Variants in TMEM217 observed in about 807,000 individuals in gnomAD.
The protein encoded by TMEM217 is chromosome 6 open reading frame 128.
For missense variants in TMEM217, 204 were observed against 248.8 expected, an observed-to-expected ratio of 0.82 and a Z score of 1.21; for synonymous variants, 76 against 88.3, an observed-to-expected ratio of 0.86 and a Z score of 0.78.
intron 1 of TMEM217, among the ~76,000 whole-genome samples, chr6:37,248,851 A>C (rs1334349282): frequency 6.6e-6 from 1 of 152,224 alleles, no homozygotes. Flanking sequence ...GGCATAAAAC[A>C]ATAGAAATTT....
At chr6:37,215,572 A>G (rs1452440808), downstream of TMEM217, among the ~76,000 whole-genome samples, 255 of 19,564 alleles carry the variant, frequency 0.013, 2 homozygotes, top group African/African-American at 0.032. Flanking sequence ...CTCTGTCTCA[A>G]AAAAAAAAAA....
intron 1 of TMEM217, among the ~76,000 whole-genome samples, chr6:37,243,211 G>A (rs1385586381): frequency 6.6e-6 from 1 of 152,102 alleles, no homozygotes; most frequent in South Asian, 2.1e-4. Flanking sequence ...ATTTGGCAAG[G>A]GCTATTACTC....
chr6:37,213,057 C>A, downstream of TMEM217: 3 of 1,080,784 alleles, frequency 2.8e-6, no homozygotes, highest in Non-Finnish European at 3.9e-6. Flanking sequence ...TAGACAAATC[C>A]CCCAAGTCAC....
intron 1 of TMEM217, among the ~76,000 whole-genome samples, chr6:37,235,947 AG>A (rs991117261): frequency 6.6e-6 from 1 of 152,192 alleles, no homozygotes; most frequent in Non-Finnish European, 1.5e-5. Context: ...TGAATTTTGG[AG>A]GGGTCAAACA....
chr6:37,246,172 T>C (rs191803344), intron 1 of TMEM217, among the ~76,000 whole-genome samples: 16 of 152,228 alleles, frequency 1.1e-4, no homozygotes, highest in South Asian at 4.1e-4. Context: ...CTCTTCTACT[T>C]CTCCTCTAAT....
At chr6:37,222,862 G>T (rs1763614669) in intron 1 of TMEM217, among the ~76,000 whole-genome samples, 2 of 152,180 alleles carry the variant, frequency 1.3e-5, no homozygotes, top group Non-Finnish European at 2.9e-5. Context: ...AACCCTAGCC[G>T]CGCCTCCCTG....
chr6:37,248,454 C>T (rs1765220488), intron 1 of TMEM217, among the ~76,000 whole-genome samples: 1 of 152,200 alleles, frequency 6.6e-6, no homozygotes, highest in African/African-American at 2.4e-5. Flanking sequence ...CCCCTCCCTT[C>T]ACTCACCCAA....
intron 1 of TMEM217, among the ~76,000 whole-genome samples, chr6:37,245,767 C>T (rs1475691344): frequency 6.6e-6 from 1 of 150,672 alleles, no homozygotes; most frequent in Non-Finnish European, 1.5e-5. Flanking sequence ...GATCTACTAG[C>T]CTCTCATTTT....
chr6:37,251,545 T>C (rs890304401), intron 1 of TMEM217, among the ~76,000 whole-genome samples: 3 of 152,218 alleles, frequency 2.0e-5, no homozygotes, highest in African/African-American at 7.2e-5. Flanking sequence ...GAATGTTGAG[T>C]GAAAAAGCCA....
downstream of TMEM217, chr6:37,212,784 G>A: frequency 2.8e-6 from 2 of 715,210 alleles, no homozygotes; most frequent in Non-Finnish European, 5.1e-6. Context: ...TGAGGGAGAG[G>A]CCAGTGCTGA....
At chr6:37,230,037 A>T (rs754948158) in intron 1 of TMEM217, among the ~76,000 whole-genome samples, 3 of 152,234 alleles carry the variant, frequency 2.0e-5, no homozygotes, top group African/African-American at 7.2e-5. Flanking sequence ...TAGAACAAAG[A>T]TCCCTACTTC....
At chr6:37,257,451 ATTCC>A (rs1765819504) in intron 1 of TMEM217, 113 bp downstream of exon 1, 1 of 154,692 alleles carries the variant, frequency 6.5e-6, no homozygotes, top group African/African-American at 2.4e-5. Flanking sequence ...TAGGTGAAAG[ATTCC>A]TATATATAAA....
chr6:37,217,873 C>A, exon 2 of TMEM217: 1 of 985,802 alleles, frequency 1.0e-6, no homozygotes, highest in Non-Finnish European at 1.2e-6. Flanking sequence ...TCATCTTATT[C>A]CATTCATTTT....
At chr6:37,250,195 G>A (rs1050372135) in intron 1 of TMEM217, among the ~76,000 whole-genome samples, 1 of 152,108 alleles carries the variant, frequency 6.6e-6, no homozygotes, top group Non-Finnish European at 1.5e-5. Flanking sequence ...ACAAACATAG[G>A]TAGAAAATAT....
chr6:37,239,845 A>G (rs1286707264), intron 1 of TMEM217, among the ~76,000 whole-genome samples: 1 of 151,810 alleles, frequency 6.6e-6, no homozygotes, highest in Non-Finnish European at 1.5e-5. Flanking sequence ...ACTTAAGCCC[A>G]GGGGTTTCAG....
chr6:37,212,832 C>T (rs540886290), downstream of TMEM217: 819 of 1,069,494 alleles, frequency 7.7e-4, no homozygotes, highest in Non-Finnish European at 1.0e-3. Flanking sequence ...TGACTAGCTC[C>T]GACTTTGAGT....
chr6:37,221,411 T>C (rs1245196346), intron 1 of TMEM217, among the ~76,000 whole-genome samples: 3 of 152,142 alleles, frequency 2.0e-5, no homozygotes, highest in Non-Finnish European at 4.4e-5. Flanking sequence ...GGTCTCAAAC[T>C]CCTGACCTCA....
At chr6:37,219,312 C>A (rs1562002745) in intron 1 of TMEM217, among the ~76,000 whole-genome samples, 1 of 152,098 alleles carries the variant, frequency 6.6e-6, no homozygotes, top group Admixed American at 6.6e-5. Context: ...CAAAAGTACC[C>A]AAGTCCAGGC....
Position 37,218,414 on chromosome 6 carries a change from C to A in TMEM217, c.*8G>T, listed in dbSNP as rs146496418. 1 of 1,571,942 alleles carries A rather than the reference C, an allele frequency of 6.4e-7. No homozygotes were observed. The highest frequency in any genetic ancestry group is 1.7e-5 in the Admixed American group (1 of 58,258). On this transcript the variant is annotated 3_prime_UTR_variant, in exon 2 of 2. Coordinates refer to ENST00000357219, the Ensembl canonical transcript of TMEM217. ...CTGGTCTTGAACTCCTGACCTCAGG[C>A]GATCCACCTACCTCTGCCTCTCAAA...
Sources: gnomAD v4.1 joint callset for allele counts (sites outside exome capture counted in the v4.1 genomes callset) on GRCh38, gnomAD v4.1.1 for gene constraint, MANE v1.5 for transcripts, NCBI Gene and HGNC (gene_info 2026-07-23, HGNC 2026-07-21) for gene names.